The following CTNNA3 variants were observed in gnomAD, a reference collection of about 807,000 sequenced individuals.
CTNNA3 encodes catenin alpha 3, also known as catenin alpha-3.
Under a neutral mutation model 95.7 loss-of-function variants are expected in CTNNA3, and 76 were observed. The observed-to-expected ratio is 0.79, with a 90% CI of 0.66 to 0.96. CTNNA3 has a LOEUF of 0.96. Among genes scored for constraint, CTNNA3 ranks in the 40% least tolerant of loss-of-function variants. The pLI is 0.00. For synonymous variants in CTNNA3, 431 were observed against 374.4 expected, an observed-to-expected ratio of 1.15 and a Z score of -1.74; for missense variants, 1,191 against 1,089.8, an observed-to-expected ratio of 1.09 and a Z score of -1.31.
intron 17 of CTNNA3, among the ~76,000 whole-genome samples, chr10:65,942,167 G>T (rs2133180030): frequency 6.6e-6 from 1 of 152,306 alleles, no homozygotes; most frequent in Non-Finnish European, 1.5e-5. Context: ...ATAACATTTA[G>T]GGTTGGATGC....
chr10:66,823,952 T>G (rs1389142942), intron 7 of CTNNA3, among the ~76,000 whole-genome samples: 2 of 152,054 alleles, frequency 1.3e-5, no homozygotes, highest in Non-Finnish European at 2.9e-5. Flanking sequence ...GAATTCAAAT[T>G]TATGTAACAG....
chr10:66,351,360 G>A (rs984809395), intron 12 of CTNNA3, among the ~76,000 whole-genome samples: 2 of 152,012 alleles, frequency 1.3e-5, no homozygotes, highest in Non-Finnish European at 2.9e-5. Flanking sequence ...TGGGCTGAGA[G>A]AAGTTAAATA....
At position 67,468,366 on chromosome 10, in the gene CTNNA3, T is replaced by TA. The variant is rs111964383; in HGVS notation, c.579+53475dup. On this transcript the variant is annotated intron_variant, in intron 5 of 17. Transcript: ENST00000433211. ...CAGCATAGCAAGACCCTGTTCCTTT[T>TA]AAAAAAAAAATGGAAAAGAAAGGAA... Among the ~76,000 whole-genome samples, 439 of 149,080 alleles carry TA rather than the reference T, an allele frequency of 2.9e-3. 3 individuals carry two copies. Among genetic ancestry groups the TA allele is most frequent in the African/African-American group, 7.7e-3 (314 of 40,818 alleles).
chr10:66,203,470 G>A (rs990406003), intron 13 of CTNNA3, among the ~76,000 whole-genome samples: 14 of 151,860 alleles, frequency 9.2e-5, no homozygotes, highest in Middle Eastern at 6.8e-3. Context: ...TGCAGGGAGC[G>A]TTCTCACTCC....
At chr10:66,719,613 C>G (rs1416651817) in intron 9 of CTNNA3, among the ~76,000 whole-genome samples, 1 of 152,022 alleles carries the variant, frequency 6.6e-6, no homozygotes, top group Non-Finnish European at 1.5e-5. Flanking sequence ...ATTGCAGAGA[C>G]CAGGGTAACC....
At chr10:66,285,041 C>T (rs763896366) in intron 12 of CTNNA3, among the ~76,000 whole-genome samples, 21 of 151,682 alleles carry the variant, frequency 1.4e-4, no homozygotes, top group Non-Finnish European at 2.5e-4. Context: ...GATCATATAT[C>T]ATACAAATCA....
intron 3 of CTNNA3, among the ~76,000 whole-genome samples, chr10:67,568,638 T>C (rs918646373): frequency 2.0e-5 from 3 of 152,104 alleles, no homozygotes; most frequent in Non-Finnish European, 4.4e-5. Flanking sequence ...GTGTCCATTT[T>C]GGGTTACCTG....
At chr10:66,002,853 T>A (rs2078797057) in intron 15 of CTNNA3, among the ~76,000 whole-genome samples, 1 of 152,240 alleles carries the variant, frequency 6.6e-6, no homozygotes, top group African/African-American at 2.4e-5. Flanking sequence ...GGGAAATGTA[T>A]TCTATTCCGT....
chr10:67,450,815 T>C (rs973930618), intron 5 of CTNNA3, among the ~76,000 whole-genome samples: 3 of 151,926 alleles, frequency 2.0e-5, no homozygotes, highest in Admixed American at 2.0e-4. Flanking sequence ...GATTGAATCA[T>C]AGACAACTTT....
intron 13 of CTNNA3, among the ~76,000 whole-genome samples, chr10:66,179,443 C>T (rs1292387972): frequency 6.6e-6 from 1 of 151,992 alleles, no homozygotes; most frequent in Non-Finnish European, 1.5e-5. Context: ...ATGAAAATCG[C>T]CTGTATCTTA....
intron 6 of CTNNA3, among the ~76,000 whole-genome samples, chr10:67,205,238 C>G (rs558002381): frequency 4.9e-4 from 75 of 152,274 alleles, no homozygotes; most frequent in African/African-American, 1.7e-3. Flanking sequence ...TTGGTTATAT[C>G]AGATCTCTTT....
rs868675809 is a variant in CTNNA3 at position 66,265,941 on chromosome 10, T to A, written c.1884+14529A>T. On this transcript the variant is annotated intron_variant, in intron 13 of 17. Coordinates refer to ENST00000433211, the MANE Select transcript of CTNNA3 (RefSeq NM_013266.4). ...TATCTCCATATGGCTAAGTGTTCGATAGATTTATTGGCCCGTAGTACGTAC... is the reference window on the plus strand; with the variant it reads ...TATCTCCATATGGCTAAGTGTTCGAAAGATTTATTGGCCCGTAGTACGTAC... 2.0e-5 allele frequency among the ~76,000 whole-genome samples: 3 copies of A among 151,890 alleles called. No individual in the cohort carries two copies. In the East Asian group the frequency reaches 5.8e-4, roughly 29 times the overall value.
At chr10:67,038,787 T>G (rs951664217) in intron 7 of CTNNA3, among the ~76,000 whole-genome samples, 2 of 152,078 alleles carry the variant, frequency 1.3e-5, no homozygotes, top group Admixed American at 6.5e-5. Context: ...AATGTCTCTC[T>G]TTATATTGTC....
At chr10:66,380,005 A>G (rs544438546) in intron 11 of CTNNA3, among the ~76,000 whole-genome samples, 1 of 152,374 alleles carries the variant, frequency 6.6e-6, no homozygotes, top group Non-Finnish European at 1.5e-5. Context: ...AACAAATTGA[A>G]AGAATATTAA....
chr10:66,609,143 T>G (rs1430959211), intron 10 of CTNNA3, among the ~76,000 whole-genome samples: 1 of 151,640 alleles, frequency 6.6e-6, no homozygotes, highest in Non-Finnish European at 1.5e-5. Context: ...CACTGTAACC[T>G]CCACCTCTCA....
At chr10:66,068,673 C>T (rs938490638) in intron 15 of CTNNA3, among the ~76,000 whole-genome samples, 1 of 152,090 alleles carries the variant, frequency 6.6e-6, no homozygotes, top group Non-Finnish European at 1.5e-5. Context: ...TTTATAACTA[C>T]ACCACGACTG....
chr10:66,545,970 A>G (rs566015175), intron 10 of CTNNA3, among the ~76,000 whole-genome samples: 2 of 150,240 alleles, frequency 1.3e-5, no homozygotes, highest in East Asian at 1.9e-4. Flanking sequence ...TTTAAATATA[A>G]TATATTTATC....
chr10:66,353,770 C>T (rs1167934935), intron 12 of CTNNA3, among the ~76,000 whole-genome samples: 1 of 151,718 alleles, frequency 6.6e-6, no homozygotes, highest in African/African-American at 2.4e-5. Flanking sequence ...ATTAATCAAC[C>T]CAGGGATAGT....
chr10:66,997,616 G>A (rs1279648586), intron 7 of CTNNA3, among the ~76,000 whole-genome samples: 5 of 152,080 alleles, frequency 3.3e-5, no homozygotes, highest in Non-Finnish European at 7.4e-5. Flanking sequence ...CAGGGTTCTG[G>A]ATGTTCTTCC....
Sources: gnomAD v4.1 joint callset for allele counts (sites outside exome capture counted in the v4.1 genomes callset) on GRCh38, gnomAD v4.1.1 for gene constraint, MANE v1.5 for transcripts, NCBI Gene and HGNC (gene_info 2026-07-23, HGNC 2026-07-21) for gene names.